Variants in GTF2A2 observed in about 807,000 individuals in gnomAD.
GTF2A2 encodes the protein transcription initiation factor IIA subunit 2.
A neutral mutation model predicts 14.3 loss-of-function variants in GTF2A2; 9 were observed. The ratio of observed to expected loss-of-function variants is 0.63; its 90% CI spans 0.38 to 1.10. The LOEUF (loss-of-function observed/expected upper bound fraction) is 1.10. GTF2A2 is among the 50% of genes least tolerant of loss of function. GTF2A2 has a pLI of 0.01. For missense variants in GTF2A2, 90 were observed against 124.6 expected (o/e 0.72, Z 1.32); for synonymous variants, 56 against 46.0 (o/e 1.22, Z -0.88).
At chr15:59,653,994 A>G (rs924545380) in intron 1 of GTF2A2, among the ~76,000 whole-genome samples, 2 of 152,102 alleles carry the variant, frequency 1.3e-5, no homozygotes, top group South Asian at 2.1e-4. Flanking sequence ...ACCATCTTCA[A>G]TGCTATTACC....
At chr15:59,651,031 C>A (rs1469788823) in intron 2 of GTF2A2, among the ~76,000 whole-genome samples, 1 of 152,098 alleles carries the variant, frequency 6.6e-6, no homozygotes, top group East Asian at 1.9e-4. Flanking sequence ...TGTCAATTTT[C>A]CCTTACAGTG....
At chr15:59,654,117 CAT>C (rs1465876374) in intron 1 of GTF2A2, among the ~76,000 whole-genome samples, 3 of 152,286 alleles carry the variant, frequency 2.0e-5, no homozygotes, top group African/African-American at 7.2e-5. Context: ...GACTTTAAAA[CAT>C]AAGGCAAATC....
chr15:59,650,695 T>A lies in GTF2A2; in HGVS notation c.151A>T (p.Arg51Trp). 1 of 1,603,112 alleles carries A rather than the reference T, an allele frequency of 6.2e-7. No individual in the cohort carries two copies. Among genetic ancestry groups the A allele is most frequent in the Non-Finnish European group, 8.5e-7 (1 of 1,170,026 alleles). The change falls in exon 3 of 5, where the codon AGG (arginine) becomes TGG (tryptophan). Residue 51 changes from arginine (R) to tryptophan (W), a missense_variant. Coordinates refer to ENST00000396060, the MANE Select transcript of GTF2A2 (RefSeq NM_004492.3). ...DKAINAALAQ[R>W]VRNRVNFRGS... is the part of the protein sequence containing the mutation. ...CTGAAATTGACTCTGTTCCTGACCCTCTGAGCCAGTGCTGCATTTATAGCC... is the reference window on the plus strand; with the variant it reads ...CTGAAATTGACTCTGTTCCTGACCCACTGAGCCAGTGCTGCATTTATAGCC...
At chr15:59,652,391 T>C (rs1303315842) in intron 1 of GTF2A2, 65 bp from the exon 2 acceptor site, 4 of 612,298 alleles carry the variant, frequency 6.5e-6, no homozygotes, top group Non-Finnish European at 5.7e-6. Flanking sequence ...ATGTATATAA[T>C]ATCATCTACC....
chr15:59,639,688 G>C (rs1032423201), intron 4 of GTF2A2, among the ~76,000 whole-genome samples: 4 of 151,910 alleles, frequency 2.6e-5, no homozygotes, highest in African/African-American at 9.7e-5. Flanking sequence ...TCGATCTCCT[G>C]ACCTCGTGAT....
At chr15:59,654,424 T>C (rs149398035) in intron 1 of GTF2A2, among the ~76,000 whole-genome samples, 99 of 152,280 alleles carry the variant, frequency 6.5e-4, no homozygotes, top group Non-Finnish European at 6.3e-4. Flanking sequence ...GGGTCAAGCA[T>C]TACTCCATCA....
chr15:59,652,783 G>C (rs1891833623), intron 1 of GTF2A2: 1 of 153,292 alleles, frequency 6.5e-6, no homozygotes, highest in South Asian at 2.0e-4. Flanking sequence ...AGAAGATGAT[G>C]ATTAAAGGCA....
At chr15:59,649,359 T>C (rs1281293795) in intron 3 of GTF2A2, among the ~76,000 whole-genome samples, 1 of 152,212 alleles carries the variant, frequency 6.6e-6, no homozygotes. Flanking sequence ...TAAATGTAAA[T>C]GTCAAATTAC....
chr15:59,641,733 CTAAT>C (rs777377662), intron 4 of GTF2A2, among the ~76,000 whole-genome samples: 25 of 152,066 alleles, frequency 1.6e-4, no homozygotes, highest in Non-Finnish European at 3.5e-4. Flanking sequence ...GTTCTTATGG[CTAAT>C]TAAAATCCTG....
chr15:59,650,267 T>A (rs1019036336), intron 3 of GTF2A2, among the ~76,000 whole-genome samples: 1 of 152,286 alleles, frequency 6.6e-6, no homozygotes, highest in East Asian at 1.9e-4. Flanking sequence ...AACATGAAGT[T>A]TCTAGAAATA....
At chr15:59,640,537 G>A (rs1249196947) in intron 4 of GTF2A2, among the ~76,000 whole-genome samples, 1 of 152,128 alleles carries the variant, frequency 6.6e-6, no homozygotes, top group African/African-American at 2.4e-5. Context: ...ATTGAGTTAA[G>A]TTCCTCAGCT....
intron 1 of GTF2A2, among the ~76,000 whole-genome samples, chr15:59,654,567 G>T (rs181155954): frequency 6.6e-6 from 1 of 152,274 alleles, no homozygotes; most frequent in East Asian, 1.9e-4. Flanking sequence ...TAAAATAGAT[G>T]ACACACTGAA....
At chr15:59,647,518 T>A (rs1237414350) in intron 3 of GTF2A2, among the ~76,000 whole-genome samples, 1 of 152,232 alleles carries the variant, frequency 6.6e-6, no homozygotes. Flanking sequence ...CCAAATTGTA[T>A]CTTCAATGCA....
intron 1 of GTF2A2, among the ~76,000 whole-genome samples, chr15:59,655,067 T>C (rs1406030371): frequency 6.6e-6 from 1 of 152,210 alleles, no homozygotes; most frequent in Non-Finnish European, 1.5e-5. Context: ...CCTTCTACCT[T>C]TGTATCAGGC....
At position 59,638,980 on chromosome 15, in the gene GTF2A2, C is replaced by G; in HGVS notation, c.*152G>C. ...ATAATAAAGGTGATGTAAGAGGCTA[C>G]AGAGTTACAAGTTTCTTTCTACTGG... On this transcript the variant is annotated 3_prime_UTR_variant, in exon 5 of 5. Transcript: ENST00000396060. 1.6e-6 allele frequency: 1 copy of G among 623,346 alleles called. No homozygotes were observed. The allele number at this position is 623,346 out of a possible 1,614,324, so 38.6% of individuals were successfully genotyped here.
In GTF2A2 at chr15:59,642,215, T is replaced by C. The variant is rs1802673; in HGVS notation, c.225A>G (p.Val75=). 8.2e-3 allele frequency: 13,250 copies of C among 1,610,746 alleles called. 85 individuals carry two copies. Among genetic ancestry groups the C allele is most frequent in the Middle Eastern group, 0.017 (105 of 6,054 alleles). Reference sequence around the variant, plus strand: ...CCTCTCTGAATTCAACATCATTCAGTACAAAAGTCCACACATTATCGCAGA... The same window carrying C: ...CCTCTCTGAATTCAACATCATTCAGCACAAAAGTCCACACATTATCGCAGA... ...YRFCDNVWTF[V]LNDVEFREVT... Residue 75 remains valine, a synonymous_variant, in exon 4 of 5, where the codon GTA becomes GTG. Transcript: ENST00000396060.
chr15:59,640,829 A>C (rs1318613651), intron 4 of GTF2A2, among the ~76,000 whole-genome samples: 1 of 152,006 alleles, frequency 6.6e-6, no homozygotes, highest in Non-Finnish European at 1.5e-5. Flanking sequence ...CACCACCTTC[A>C]CAGGAATTTA....
chr15:59,641,060 A>C (rs1324681214), intron 4 of GTF2A2, among the ~76,000 whole-genome samples: 3 of 152,156 alleles, frequency 2.0e-5, no homozygotes, highest in Non-Finnish European at 2.9e-5. Flanking sequence ...TTATATAGCT[A>C]CTAAAAATCA....
At chr15:59,648,358 A>C (rs577024098) in intron 3 of GTF2A2, among the ~76,000 whole-genome samples, 5 of 137,898 alleles carry the variant, frequency 3.6e-5, no homozygotes, top group African/African-American at 1.1e-4. Context: ...CAGTGAGCCG[A>C]GATTGCGCCA....
Sources: gnomAD v4.1 joint callset for allele counts (sites outside exome capture counted in the v4.1 genomes callset) on GRCh38, gnomAD v4.1.1 for gene constraint, MANE v1.5 for transcripts, NCBI Gene and HGNC (gene_info 2026-07-23, HGNC 2026-07-21) for gene names.